Variants in SASH1 observed in about 807,000 individuals in gnomAD.
SASH1 encodes the protein SAM and SH3 domain-containing protein 1.
A neutral mutation model predicts 125.2 loss-of-function variants in SASH1; 44 were observed. The observed-to-expected ratio is 0.35, with a 90% CI of 0.28 to 0.45. SASH1 has a LOEUF of 0.45. SASH1 is among the 20% of genes least tolerant of loss of function. The pLI is 1.00. For synonymous variants in SASH1, 639 were observed against 649.1 expected, an observed-to-expected ratio of 0.98 and a Z score of 0.24; for missense variants, 1,426 against 1,614.5, an observed-to-expected ratio of 0.88 and a Z score of 2.00.
At chr6:148,455,579 G>C (rs1437045163) in intron 4 of SASH1, among the ~76,000 whole-genome samples, 1 of 152,224 alleles carries the variant, frequency 6.6e-6, no homozygotes, top group East Asian at 1.9e-4. Context: ...GTGAGTCTAG[G>C]TGTGGAGGGC....
At chr6:148,530,758 G>A (rs1180750093) in intron 12 of SASH1, among the ~76,000 whole-genome samples, 4 of 152,172 alleles carry the variant, frequency 2.6e-5, no homozygotes, top group Non-Finnish European at 4.4e-5. Flanking sequence ...GTAGCACCAC[G>A]AATCAAATAA....
At chr6:148,221,558 C>T in the SASH1 span, among the ~76,000 whole-genome samples, 1 of 152,170 alleles carries the variant, frequency 6.6e-6, no homozygotes, top group Admixed American at 6.5e-5. Context: ...AGGAACGTTT[C>T]ATTTTGAAAA....
At chr6:148,210,243 A>G in the SASH1 span, among the ~76,000 whole-genome samples, 1 of 152,166 alleles carries the variant, frequency 6.6e-6, no homozygotes, top group Non-Finnish European at 1.5e-5. Context: ...TGCTGCAAAA[A>G]CAGACCAGGC....
intron 1 of SASH1, among the ~76,000 whole-genome samples, chr6:148,320,835 G>A (rs568573172): frequency 6.6e-6 from 1 of 152,330 alleles, no homozygotes; most frequent in Non-Finnish European, 1.5e-5. Context: ...AACACTTAAT[G>A]TCATTTTATG....
rs138051169 is a variant in SASH1 at position 148,502,022 on chromosome 6, A to G, written c.730-12302A>G. Among the ~76,000 whole-genome samples, 41 of 152,332 alleles carry G rather than the reference A, an allele frequency of 2.7e-4. No individual in the cohort carries two copies. The East Asian group carries it at 4.8e-3, about 18-fold the overall frequency. The stretch of plus-strand genomic sequence containing the variant: ...TTTCTTAAGTGAATTAAGTGCTGAC[A>G]AGCCTTTGCCCCAAAGGAATGGTAA... On this transcript the variant is annotated intron_variant, in intron 8 of 19. Transcript: ENST00000367467.
intron 2 of SASH1, among the ~76,000 whole-genome samples, chr6:148,423,658 AT>A (rs1775673240): frequency 6.6e-6 from 1 of 152,176 alleles, no homozygotes; most frequent in Admixed American, 6.5e-5. Flanking sequence ...AATTTTTTAT[AT>A]TCTCAGTTAC....
intron 9 of SASH1, among the ~76,000 whole-genome samples, chr6:148,517,993 G>A (rs1375083221): frequency 6.6e-6 from 1 of 152,198 alleles, no homozygotes; most frequent in Non-Finnish European, 1.5e-5. Flanking sequence ...CCATGGTTGG[G>A]CTGCCCCTGC....
chr6:148,367,916 C>T (rs374169055), intron 1 of SASH1, among the ~76,000 whole-genome samples: 1 of 152,178 alleles, frequency 6.6e-6, no homozygotes, highest in African/African-American at 2.4e-5. Context: ...TCGTTCAGGG[C>T]TGCGGGGTCT....
chr6:148,443,075 G>T (rs150194999), intron 4 of SASH1, among the ~76,000 whole-genome samples: 5 of 147,602 alleles, frequency 3.4e-5, no homozygotes, highest in Admixed American at 7.0e-5. Flanking sequence ...CGTGCCAGCT[G>T]TATTTGTTTT....
intron 4 of SASH1, among the ~76,000 whole-genome samples, chr6:148,456,970 A>G (rs914382723): frequency 6.6e-6 from 1 of 150,988 alleles, no homozygotes; most frequent in Admixed American, 6.6e-5. Flanking sequence ...GCTCATTTTT[A>G]TAATAACTAG....
chr6:148,390,743 A>C (rs9498033), intron 2 of SASH1, among the ~76,000 whole-genome samples: 3,533 of 151,494 alleles, frequency 0.023, 164 homozygotes, highest in African/African-American at 0.082. Context: ...AGCCAAGATC[A>C]CGCCACTGCA....
chr6:148,537,393 AG>A (rs1284955907), intron 16 of SASH1, among the ~76,000 whole-genome samples: 27 of 152,232 alleles, frequency 1.8e-4, no homozygotes, highest in African/African-American at 6.3e-4. Flanking sequence ...GGCAAATGAA[AG>A]CCTCTTACAA....
the SASH1 span, among the ~76,000 whole-genome samples, chr6:148,241,041 C>A: frequency 6.6e-6 from 1 of 152,060 alleles, no homozygotes; most frequent in Non-Finnish European, 1.5e-5. Context: ...CTTCACAGAC[C>A]TATTTTTGGC....
chr6:148,544,931 GGAGA>G lies in SASH1; in HGVS notation c.3348+114_3348+117del. The G allele has an allele frequency of 5.1e-6, 5 of 989,766 alleles. No homozygotes were observed. The highest frequency in any genetic ancestry group is 7.3e-6 in the Non-Finnish European group (5 of 687,798). 61.3% of individuals were successfully genotyped at this position (989,766 alleles called of 1,614,324 possible). A position where few individuals can be genotyped will look rare whatever the true frequency, so the allele number is the denominator to read the frequency against. On this transcript the variant is annotated intron_variant, in intron 18 of 19. Transcript: ENST00000367467. The surrounding 1 kb of genome is among the most constrained non-coding windows in gnomAD (Gnocchi z 6.4). ...AGCCCGGTAGCCCGCCCAGTGGACA[GGAGA>G]CACCTGAATCCACGTGTCCACACCT...
intron 1 of SASH1, among the ~76,000 whole-genome samples, chr6:148,324,927 G>A (rs9485279): frequency 0.058 from 8,766 of 152,258 alleles, 282 homozygotes; most frequent in South Asian, 0.09. Context: ...GGAAGCCAGT[G>A]CTGTGGGATG....
intron 1 of SASH1, among the ~76,000 whole-genome samples, chr6:148,327,225 A>G (rs926329685): frequency 6.6e-6 from 1 of 152,024 alleles, no homozygotes; most frequent in Non-Finnish European, 1.5e-5. Flanking sequence ...TATTTGTTAC[A>G]TGGAGGAACG....
rs1438509506 is a variant in SASH1, at chr6:148,311,447, T to TC, written n.74+39070_74+39071insC. On this transcript the variant is annotated intron_variant and non_coding_transcript_variant, in intron 1 of 3. Transcript: ENST00000367469. ...ATAAAATTAAATATACATGCGAACT[T>TC]TCCCTATAACCCACCAATCCCACTT... Among the ~76,000 whole-genome samples the TC allele has an allele frequency of 4.6e-5, 7 of 152,240 alleles. No individual in the cohort carries two copies. The South Asian group carries it at 1.4e-3, about 32-fold the overall frequency.
At chr6:148,373,187 G>A (rs867944270) in intron 1 of SASH1, among the ~76,000 whole-genome samples, 1 of 151,842 alleles carries the variant, frequency 6.6e-6, no homozygotes, top group South Asian at 2.1e-4. Flanking sequence ...GCGAAACTCC[G>A]TCTCAAAAAA....
Position 148,544,888 on chromosome 6 carries a change from G to A in SASH1, c.3348+70G>A. The A allele has an allele frequency of 6.9e-7, 1 of 1,454,564 alleles. No homozygotes were observed. The highest frequency in any genetic ancestry group is 2.5e-4 in the Middle Eastern group (1 of 3,978). The allele number at this position is 1,454,564 out of a possible 1,614,324, so 90.1% of individuals were successfully genotyped here. On this transcript the variant is annotated intron_variant, in intron 18 of 19. Coordinates refer to ENST00000367467, the MANE Select transcript of SASH1 (RefSeq NM_015278.5). The surrounding 1 kb of genome is among the most constrained non-coding windows in gnomAD (Gnocchi z 6.4). The stretch of plus-strand genomic sequence containing the variant: ...TAGAAGTCAGGCAGCCAGGTGAGAT[G>A]AACCCACATCTGAAGCCAGCCCGGT...
Sources: gnomAD v4.1 joint callset for allele counts (sites outside exome capture counted in the v4.1 genomes callset) on GRCh38, gnomAD v4.1.1 for gene constraint, Gnocchi (gnomAD v3.1) non-coding constraint, MANE v1.5 for transcripts, NCBI Gene and HGNC (gene_info 2026-07-23, HGNC 2026-07-21) for gene names.